APTX: variants seen among roughly 807,000 people sequenced by gnomAD.
The protein encoded by APTX is aprataxin.
A neutral mutation model predicts 42.3 loss-of-function variants in APTX; 33 were observed. That is an observed-to-expected ratio of 0.78 (90% CI 0.59 to 1.04). APTX has a LOEUF of 1.04. Ranked by LOEUF, APTX falls within the 50% of genes least tolerant of loss-of-function variation. APTX has a pLI of 0.00. For missense variants in APTX, 421 were observed against 415.1 expected (o/e 1.01, Z -0.12); for synonymous variants, 130 against 146.7 (o/e 0.89, Z 0.82).
chr9:32,993,310 G>A (rs865825450), intron 1 of APTX, among the ~76,000 whole-genome samples: 12 of 152,152 alleles, frequency 7.9e-5, no homozygotes, highest in African/African-American at 2.4e-4. Flanking sequence ...AACTTCACCC[G>A]TTTCAGCCTC....
intron 1 of APTX, among the ~76,000 whole-genome samples, chr9:33,009,411 T>A (rs1470134347): frequency 6.6e-6 from 1 of 152,174 alleles, no homozygotes; most frequent in Non-Finnish European, 1.5e-5. Context: ...TTGAGTTCCT[T>A]GATGTTCGTG....
intron 6 of APTX, among the ~76,000 whole-genome samples, chr9:32,976,888 A>AT (rs1226957945): frequency 6.6e-6 from 1 of 152,248 alleles, no homozygotes; most frequent in Non-Finnish European, 1.5e-5. Flanking sequence ...GCTTGTGAAC[A>AT]TAATAATTAA....
At position 32,989,768 on chromosome 9, in the gene APTX, G is replaced by C; in HGVS notation, c.124C>G (p.Arg42Gly). Residue 42 changes from arginine to glycine, a missense_variant, in exon 2 of 8, where the codon CGA becomes GGA. Arg to Gly is a moderately radical substitution (Grantham distance 125). Coordinates refer to ENST00000379817, the MANE Select transcript of APTX (RefSeq NM_001195248.2). ...TTCTATGACCAGTTACCTTGCTGTC[G>C]AGAACATTTCTTATCAGTGATCTTG... is the stretch of plus-strand genomic sequence containing the variant. ...ETKITDKKCS[R>G]QQVQLKAECN... The C allele has an allele frequency of 1.2e-6, 2 of 1,614,186 alleles. No individual in the cohort carries two copies. Among genetic ancestry groups the C allele is most frequent in the Non-Finnish European group, 1.7e-6 (2 of 1,180,048 alleles).
intron 1 of APTX, among the ~76,000 whole-genome samples, chr9:33,012,177 G>GT (rs1837586514): frequency 3.3e-5 from 5 of 152,104 alleles, no homozygotes; most frequent in Admixed American, 1.3e-4. Flanking sequence ...TATGAGGCCT[G>GT]TAACAAAAAT....
intron 1 of APTX, among the ~76,000 whole-genome samples, chr9:32,998,016 T>C (rs111492058): frequency 5.1e-4 from 78 of 152,064 alleles, no homozygotes; most frequent in African/African-American, 1.8e-3. Flanking sequence ...AGGACAACAG[T>C]AGAGATGGAG....
chr9:33,009,022 A>G (rs1837351639), intron 1 of APTX, among the ~76,000 whole-genome samples: 1 of 152,142 alleles, frequency 6.6e-6, no homozygotes, highest in South Asian at 2.1e-4. Flanking sequence ...TTTACCCTCT[A>G]TTATTTTCAA....
At chr9:33,007,325 A>AGTCCT (rs1837230435) in intron 1 of APTX, among the ~76,000 whole-genome samples, 1 of 152,210 alleles carries the variant, frequency 6.6e-6, no homozygotes, top group African/African-American at 2.4e-5. Context: ...ATTCATTGAA[A>AGTCCT]AACCCCTGAA....
intron 1 of APTX, among the ~76,000 whole-genome samples, chr9:33,009,893 T>C (rs1175311166): frequency 1.3e-5 from 2 of 152,206 alleles, no homozygotes; most frequent in Admixed American, 6.5e-5. Flanking sequence ...GCTCATCAAA[T>C]TAAGAATAAA....
intron 1 of APTX, among the ~76,000 whole-genome samples, chr9:33,020,481 G>C (rs1290442500): frequency 1.3e-5 from 2 of 152,180 alleles, no homozygotes; most frequent in Non-Finnish European, 2.9e-5. Context: ...AACCTGCTAA[G>C]AATCCAACCT....
intron 1 of APTX, chr9:33,019,611 A>G (rs1276050111): frequency 2.6e-6 from 1 of 383,272 alleles, no homozygotes; most frequent in Admixed American, 4.6e-5. Context: ...GGAAAGTAGC[A>G]ACTGTGGGAA....
At chr9:32,974,862 A>C (rs1828983858) in intron 6 of APTX, among the ~76,000 whole-genome samples, 1 of 152,214 alleles carries the variant, frequency 6.6e-6, no homozygotes, top group African/African-American at 2.4e-5. Flanking sequence ...AGGAAAGACA[A>C]ATAATAAATA....
intron 1 of APTX, among the ~76,000 whole-genome samples, chr9:33,007,475 C>A (rs1230035435): frequency 1.3e-5 from 2 of 152,132 alleles, no homozygotes; most frequent in Non-Finnish European, 2.9e-5. Context: ...GTGCAAAGGA[C>A]GTTGGCAGCC....
intron 1 of APTX, among the ~76,000 whole-genome samples, chr9:33,000,845 CTTTTTTTTTTTTTT>C (rs74178838): frequency 1.0e-4 from 10 of 98,830 alleles, no homozygotes; most frequent in Non-Finnish European, 1.6e-4. Flanking sequence ...TTTTTTTTTT[CTTTTTTTTTTTTTT>C]TTTGAGACGG....
intron 6 of APTX, among the ~76,000 whole-genome samples, chr9:32,977,902 T>C (rs553657479): frequency 3.3e-5 from 5 of 152,130 alleles, no homozygotes; most frequent in African/African-American, 1.2e-4. Context: ...TATAAGAAGG[T>C]ATTTAAAGAA....
At chr9:33,008,447 C>G (rs117159832) in intron 1 of APTX, among the ~76,000 whole-genome samples, 10,739 of 151,944 alleles carry the variant, frequency 0.071, 516 homozygotes, top group Non-Finnish European at 0.11. Context: ...CACTGTGTTA[C>G]CCAGGCTGGT....
In APTX at chr9:32,972,913, C is replaced by T. The variant is rs367715736; in HGVS notation, c.*585G>A. 2.2e-6 allele frequency: 1 copy of T among 454,114 alleles called. No homozygotes were observed. Among genetic ancestry groups the T allele is most frequent in the Non-Finnish European group, 4.4e-6 (1 of 226,786 alleles). The allele number at this position is 454,114 out of a possible 1,614,324, so 28.1% of individuals were successfully genotyped here. On this transcript the variant is annotated 3_prime_UTR_variant, in exon 8 of 8. Coordinates refer to ENST00000379817, the MANE Select transcript of APTX (RefSeq NM_001195248.2). ...CACACCATCATCTAGCCTCTTTTCT[C>T]ACTGTGAAGAACTGATGAGACAGAA...
rs1345208724 is a variant in APTX, at chr9:32,985,946, T to G, written c.543+25A>C. 3 of 1,604,870 alleles carry G rather than the reference T, an allele frequency of 1.9e-6. No individual in the cohort carries two copies. The Admixed American group carries it at 5.1e-5, about 27-fold the overall frequency. ...TGGTCATTTACAACATGAAATGTAC[T>G]GAAATTCCAAAATTGTATTCTGACC... On this transcript the variant is annotated intron_variant, in intron 5 of 7. Transcript: ENST00000379817.
At chr9:33,020,013 C>T (rs1838243064) in intron 1 of APTX, 5 of 404,528 alleles carry the variant, frequency 1.2e-5, no homozygotes, top group South Asian at 1.0e-4. Flanking sequence ...CTGACACGTG[C>T]GGTGGGGGAG....
intron 1 of APTX, among the ~76,000 whole-genome samples, chr9:33,020,879 C>G (rs1012355982): frequency 3.0e-4 from 46 of 152,204 alleles, no homozygotes; most frequent in African/African-American, 1.1e-3. Flanking sequence ...CCTGTAATCC[C>G]AGCACTTTGG....
Sources: gnomAD v4.1 joint callset for allele counts (sites outside exome capture counted in the v4.1 genomes callset) on GRCh38, gnomAD v4.1.1 for gene constraint, MANE v1.5 for transcripts, NCBI Gene and HGNC (gene_info 2026-07-23, HGNC 2026-07-21) for gene names.